Variants in MYRIP observed in about 807,000 individuals in gnomAD.
MYRIP encodes the protein rab effector MyRIP.
A neutral mutation model predicts 98.0 loss-of-function variants in MYRIP; 49 were observed. That is an observed-to-expected ratio of 0.50 (90% confidence interval 0.40 to 0.63). MYRIP has a LOEUF of 0.63. Ranked by LOEUF, MYRIP falls within the 30% of genes least tolerant of loss-of-function variation. MYRIP has a pLI of 0.00. For missense variants in MYRIP, 1,004 were observed against 1,058.2 expected (o/e 0.95, Z 0.71); for synonymous variants, 404 against 409.5 (o/e 0.99, Z 0.16).
chr3:40,209,758 T>C, intron 10 of MYRIP, 96 bp from the exon 11 acceptor site: 1 of 1,503,886 alleles, frequency 6.6e-7, no homozygotes, highest in Non-Finnish European at 9.0e-7. Context: ...CTAGACTATA[T>C]GTTCCTATGT....
chr3:40,190,241 G>A lies in MYRIP; in HGVS notation c.1443G>A (p.Arg481=). The A allele has an allele frequency of 6.2e-7, 1 of 1,614,060 alleles. No individual in the cohort carries two copies. The change falls in exon 10 of 17, where the codon AGG becomes AGA. Residue 481 remains arginine, a synonymous_variant. Transcript: ENST00000302541. ...CCTGGTTGCAGAGGAAGGCCCCCAG[G>A]AACCCTGCAGCTGAGAAGATGCGCT... ...RLSWLQRKAP[R]NPAAEKMRLH...
chr3:40,190,947 A>G (rs1292817496), intron 10 of MYRIP, among the ~76,000 whole-genome samples: 3 of 152,204 alleles, frequency 2.0e-5, no homozygotes. Context: ...CATCTGTAAA[A>G]TGAAGATGAT....
At chr3:40,231,060 G>T (rs1471102641) in intron 11 of MYRIP, among the ~76,000 whole-genome samples, 1 of 152,114 alleles carries the variant, frequency 6.6e-6, no homozygotes, top group East Asian at 1.9e-4. Flanking sequence ...CCTGACCTCA[G>T]ATGATCCACC....
chr3:39,873,182 GTTGT>G (rs1169153804), intron 1 of MYRIP, among the ~76,000 whole-genome samples: 3 of 152,142 alleles, frequency 2.0e-5, no homozygotes, highest in Non-Finnish European at 4.4e-5. Flanking sequence ...TTTTGATGGG[GTTGT>G]TTGTTTTTTT....
chr3:40,249,418 G>A (rs1384157443), intron 13 of MYRIP, among the ~76,000 whole-genome samples: 1 of 152,138 alleles, frequency 6.6e-6, no homozygotes, highest in African/African-American at 2.4e-5. Context: ...TGAGATGATG[G>A]GTGTATCACT....
intron 2 of MYRIP, among the ~76,000 whole-genome samples, chr3:39,952,607 T>C (rs1945050778): frequency 6.6e-6 from 1 of 152,226 alleles, no homozygotes; most frequent in East Asian, 1.9e-4. Context: ...TTTTCTTTAA[T>C]TGTGACATCT....
intron 3 of MYRIP, among the ~76,000 whole-genome samples, chr3:40,113,231 C>T (rs779286141): frequency 2.0e-5 from 3 of 152,200 alleles, no homozygotes; most frequent in African/African-American, 7.2e-5. Flanking sequence ...GCAGCCTCTA[C>T]CTCCTGGGTT....
At position 40,244,549 on chromosome 3, in the gene MYRIP, C is replaced by T. The variant is rs201563385; in HGVS notation, c.2204C>T (p.Ala735Val). The T allele has an allele frequency of 2.1e-5, 34 of 1,613,888 alleles. No homozygotes were observed. Among genetic ancestry groups the T allele is most frequent in the East Asian group, 1.8e-4 (8 of 44,882 alleles). Reference protein sequence around the residue: ...IHSGTDETHLADLEDQVATAA... With the variant: ...IHSGTDETHLVDLEDQVATAA... Reference sequence around the variant, plus strand: ...AGTGGCACTGATGAGACCCATCTGGCGGATCTGGAGGACCAGGTGGCCACG... The same window carrying T: ...AGTGGCACTGATGAGACCCATCTGGTGGATCTGGAGGACCAGGTGGCCACG... Residue 735 changes from alanine to valine, a missense_variant, in exon 13 of 17, where the codon GCG becomes GTG. Physicochemically the swap from Ala to Val is moderately conservative, Grantham distance 64. Coordinates refer to ENST00000302541, the MANE Select transcript of MYRIP (RefSeq NM_015460.4).
intron 2 of MYRIP, among the ~76,000 whole-genome samples, chr3:39,934,863 G>A (rs6810375): frequency 0.21 from 31,670 of 152,098 alleles, 5,081 homozygotes; most frequent in African/African-American, 0.45. Flanking sequence ...ATAATTTGAA[G>A]GCAGATGGGC....
chr3:39,867,986 A>AG (rs1422234508), intron 1 of MYRIP, among the ~76,000 whole-genome samples: 2 of 152,212 alleles, frequency 1.3e-5, no homozygotes, highest in African/African-American at 4.8e-5. Flanking sequence ...CATAAAAATG[A>AG]GGGGAATCCT....
chr3:40,011,418 T>A (rs1489561607), intron 2 of MYRIP, among the ~76,000 whole-genome samples: 1 of 152,210 alleles, frequency 6.6e-6, no homozygotes, highest in Non-Finnish European at 1.5e-5. Context: ...TTAATCATGG[T>A]TTGGGCGTTT....
At chr3:40,165,756 TAA>T (rs3063826) in intron 5 of MYRIP, among the ~76,000 whole-genome samples, 16,427 of 143,944 alleles carry the variant, frequency 0.11, 1,940 homozygotes, top group African/African-American at 0.3. Context: ...TGCCATATCT[TAA>T]AAAAAAAAAA....
In MYRIP at chr3:40,077,906, C is replaced by CGCGCCCT. The variant is rs374301657; in HGVS notation, c.332+33649_332+33655dup. 5.9e-5 allele frequency among the ~76,000 whole-genome samples: 9 copies of CGCGCCCT among 152,240 alleles called. No individual in the cohort carries two copies. The South Asian group carries it at 1.0e-3, about 18-fold the overall frequency. ...TGCAGGTGGAGCTGCCTGCCAGTCC[C>CGCGCCCT]GCGCCCTGCGCCCTGCGCCCGCACT... On this transcript the variant is annotated intron_variant, in intron 3 of 16. Coordinates refer to ENST00000302541, the MANE Select transcript of MYRIP (RefSeq NM_015460.4).
At chr3:40,222,626 A>AGT (rs1171230385) in intron 11 of MYRIP, among the ~76,000 whole-genome samples, 1 of 148,530 alleles carries the variant, frequency 6.7e-6, no homozygotes, top group African/African-American at 2.5e-5. Flanking sequence ...GTGAGGGGAT[A>AGT]GTGGAATTGG....
chr3:40,032,991 C>A (rs1003708094), intron 2 of MYRIP, among the ~76,000 whole-genome samples: 1 of 151,810 alleles, frequency 6.6e-6, no homozygotes, highest in Non-Finnish European at 1.5e-5. Flanking sequence ...TCAATAGATG[C>A]AGAAAAGGCC....
At chr3:40,181,973 G>A (rs999820869) in intron 8 of MYRIP, among the ~76,000 whole-genome samples, 2 of 152,314 alleles carry the variant, frequency 1.3e-5, no homozygotes, top group South Asian at 4.1e-4. Context: ...AGAGCCGTAT[G>A]AGAGCTGGCC....
At chr3:40,168,524 A>T (rs1950546077) in intron 7 of MYRIP, among the ~76,000 whole-genome samples, 1 of 152,224 alleles carries the variant, frequency 6.6e-6, no homozygotes, top group South Asian at 2.1e-4. Context: ...AAAGTCCAAA[A>T]ATCTTAAATC....
chr3:40,012,907 T>TTC (rs1223332559), intron 2 of MYRIP, among the ~76,000 whole-genome samples: 1 of 151,928 alleles, frequency 6.6e-6, no homozygotes, highest in Admixed American at 6.6e-5. Context: ...TACACACACA[T>TTC]TCTCTCTCTC....
Position 40,258,385 on chromosome 3 carries a change from G to C in MYRIP, c.*219G>C. 2.0e-6 allele frequency: 1 copy of C among 503,864 alleles called. No individual in the cohort carries two copies. Among genetic ancestry groups the C allele is most frequent in the Admixed American group, 3.1e-5 (1 of 31,954 alleles). The allele number at this position is 503,864 out of a possible 1,614,324, so 31.2% of individuals were successfully genotyped here. On this transcript the variant is annotated 3_prime_UTR_variant, in exon 17 of 17. Transcript: ENST00000302541. The stretch of plus-strand genomic sequence containing the variant: ...CCCACTCTCTGCCTTAGGCTCCCAG[G>C]GGAATCCAAGACAGAAAATGAAGAC...
Sources: gnomAD v4.1 joint callset for allele counts (sites outside exome capture counted in the v4.1 genomes callset) on GRCh38, gnomAD v4.1.1 for gene constraint, MANE v1.5 for transcripts, NCBI Gene and HGNC (gene_info 2026-07-23, HGNC 2026-07-21) for gene names.